Variants in POGZ observed in about 807,000 individuals in gnomAD.
POGZ encodes the protein pogo transposable element with ZNF domain.
A neutral mutation model predicts 134.6 loss-of-function variants in POGZ; 17 were observed. The observed-to-expected ratio is 0.13, with a 90% CI of 0.09 to 0.19. POGZ has a LOEUF of 0.19. POGZ is among the 10% of genes least tolerant of loss of function. The pLI is 1.00. For missense variants in POGZ, 1,306 were observed against 1,769.7 expected (o/e 0.74, Z 4.70); for synonymous variants, 693 against 657.1 (o/e 1.05, Z -0.84).
chr1:151,420,295 G>A (rs546113456), intron 10 of POGZ, among the ~76,000 whole-genome samples: 74 of 152,260 alleles, frequency 4.9e-4, no homozygotes, highest in African/African-American at 1.7e-3. Flanking sequence ...TGGCTACCCT[G>A]GCACTACACT....
rs1663234414 is a variant in POGZ, at chr1:151,459,361, TCCCGAGGGGGGCGGGGGGGC to T, written c.-231_-212del. 1 of 120,758 alleles carries T rather than the reference TCCCGAGGGGGGCGGGGGGGC, an allele frequency of 8.3e-6. No homozygotes were observed. Among genetic ancestry groups the T allele is most frequent in the Admixed American group, 1.0e-4 (1 of 9,976 alleles). 7.5% of individuals were successfully genotyped at this position (120,758 alleles called of 1,614,324 possible). A position where few individuals can be genotyped will look rare whatever the true frequency, so the allele number is the denominator to read the frequency against. ...TCGAGTGATTCGGGGTGGATTTTTT[TCCCGAGGGGGGCGGGGGGGC>T]CCCGAGGGAGGGGGGTGGGGGGGCC... On this transcript the variant is annotated 5_prime_UTR_variant, in exon 1 of 19. Transcript: ENST00000271715.
At chr1:151,421,554 T>C (rs1656919635) in intron 10 of POGZ, among the ~76,000 whole-genome samples, 1 of 152,176 alleles carries the variant, frequency 6.6e-6, no homozygotes, top group Admixed American at 6.5e-5. Flanking sequence ...AGAAAACAGA[T>C]TCAAGAAAGA....
chr1:151,405,707 G>A lies in POGZ; in HGVS notation c.3328C>T (p.Arg1110Trp), dbSNP rs1653467400. The change falls in exon 19 of 19, where the codon CGG (arginine) becomes TGG (tryptophan). Residue 1110 changes from arginine (R) to tryptophan (W), a missense_variant. Around this residue, in one of 10 missense-constraint regions of POGZ, gnomAD observed 161 missense variants for 185.4 expected, o/e 0.87. Coordinates refer to ENST00000271715, the MANE Select transcript of POGZ (RefSeq NM_015100.4). The surrounding 1 kb of genome is among the most constrained non-coding windows in gnomAD (Gnocchi z 4.9). ...NAGLFIDFVQRQIHNQDLPLS... is the reference protein window; with the variant it reads ...NAGLFIDFVQWQIHNQDLPLS... ...GGTAAGTCCTGGTTGTGAATCTGCC[G>A]TTGTACAAAATCAATGAAGAGTCCT... The A allele has an allele frequency of 4.3e-6, 7 of 1,614,164 alleles. No individual in the cohort carries two copies. Among genetic ancestry groups the A allele is most frequent in the African/African-American group, 1.3e-5 (1 of 75,054 alleles).
chr1:151,410,746 T>C (rs900027226), intron 12 of POGZ, among the ~76,000 whole-genome samples: 3 of 152,198 alleles, frequency 2.0e-5, no homozygotes, highest in Non-Finnish European at 4.4e-5. Context: ...TAACTTACAA[T>C]ATCCAAGCTC....
At chr1:151,419,167 G>C (rs1190625157) in intron 10 of POGZ, among the ~76,000 whole-genome samples, 2 of 151,538 alleles carry the variant, frequency 1.3e-5, no homozygotes, top group South Asian at 4.2e-4. Context: ...CAGCCTGAAC[G>C]ACACGGCGAA....
At chr1:151,441,638 G>A (rs922088270) in intron 2 of POGZ, among the ~76,000 whole-genome samples, 1 of 152,140 alleles carries the variant, frequency 6.6e-6, no homozygotes, top group Admixed American at 6.5e-5. Flanking sequence ...TTTGTAAACT[G>A]TCCATGAAGG....
Position 151,424,046 on chromosome 1 carries a change from G to A in POGZ, c.1426C>T (p.Arg476Trp), listed in dbSNP as rs267598016. The A allele has an allele frequency of 1.7e-5, 27 of 1,613,988 alleles. No homozygotes were observed. The East Asian group carries it at 2.9e-4, about 17-fold the overall frequency. The stretch of plus-strand genomic sequence containing the variant: ...AGCTGGGCTACTTTGCCACCATCCC[G>A]TCCATAGTAGAAGTCATCTACAAGC... ...IMLVDDFYYG[R>W]DGGKVAQLTN... Residue 476 changes from arginine (R) to tryptophan (W), a missense_variant, in exon 9 of 19, where the codon CGG becomes TGG. Arg to Trp is a moderately radical substitution (Grantham distance 101). This residue lies in a region of POGZ where 541 missense variants were observed against 680.5 expected (regional missense o/e 0.80). Coordinates refer to ENST00000271715, the MANE Select transcript of POGZ (RefSeq NM_015100.4).
Position 151,408,012 on chromosome 1 carries a change from C to CA in POGZ, c.2375+87dup, listed in dbSNP as rs776996426. 7.4e-4 allele frequency: 670 copies of CA among 910,140 alleles called. 7 individuals carry two copies. In the African/African-American group the frequency reaches 0.013, roughly 18 times the overall value. The allele number at this position is 910,140 out of a possible 1,614,324, so 56.4% of individuals were successfully genotyped here. A position where few individuals can be genotyped will look rare whatever the true frequency, so the allele number is the denominator to read the frequency against. On this transcript the variant is annotated intron_variant, in intron 15 of 18. Transcript: ENST00000271715. ...AGGGGACAGAGTGAGACCCTGTCTT[C>CA]AAAAAAAAAAAAAAAAAAAGAAGAA...
At chr1:151,430,169 A>C (rs1486999243) in intron 4 of POGZ, among the ~76,000 whole-genome samples, 1 of 152,248 alleles carries the variant, frequency 6.6e-6, no homozygotes, top group Non-Finnish European at 1.5e-5. Context: ...TCAGGAAGCC[A>C]CAGGCAAAGA....
At chr1:151,414,312 G>T (rs1655242719) in intron 10 of POGZ, among the ~76,000 whole-genome samples, 1 of 152,102 alleles carries the variant, frequency 6.6e-6, no homozygotes, top group Non-Finnish European at 1.5e-5. Context: ...TTCTCTTCTA[G>T]AACACCTTTA....
At chr1:151,441,228 A>C in intron 2 of POGZ, 142 bp from the exon 3 acceptor site, 1 of 588,510 alleles carries the variant, frequency 1.7e-6, no homozygotes. Flanking sequence ...TGTTCATGTG[A>C]TTTCTCCTCC....
At chr1:151,413,600 G>A (rs1374425356) in intron 10 of POGZ, among the ~76,000 whole-genome samples, 47 of 85,476 alleles carry the variant, frequency 5.5e-4, no homozygotes, top group Admixed American at 1.3e-3. Flanking sequence ...ACCTCCCCCC[G>A]CCCCCAGCCC....
chr1:151,411,553 G>C, intron 12 of POGZ, 72 bp downstream of exon 12: 1 of 1,102,884 alleles, frequency 9.1e-7, no homozygotes, highest in Non-Finnish European at 1.3e-6. Flanking sequence ...GCCTAGCTCA[G>C]CCCTGGCCCC....
At chr1:151,452,452 G>C (rs76491278) in intron 1 of POGZ, among the ~76,000 whole-genome samples, 1 of 151,848 alleles carries the variant, frequency 6.6e-6, no homozygotes, top group Non-Finnish European at 1.5e-5. Flanking sequence ...CTGGGCTCAG[G>C]TGATCCTCCT....
chr1:151,456,905 T>C (rs1189521089), intron 1 of POGZ, among the ~76,000 whole-genome samples: 3 of 152,106 alleles, frequency 2.0e-5, no homozygotes, highest in Non-Finnish European at 2.9e-5. Context: ...AATAATAAAT[T>C]TTACTGCTTC....
intron 1 of POGZ, among the ~76,000 whole-genome samples, chr1:151,453,553 C>T (rs1041521473): frequency 6.6e-6 from 1 of 152,172 alleles, no homozygotes; most frequent in African/African-American, 2.4e-5. Context: ...CAAGGAGGTA[C>T]ATTACTTTCT....
chr1:151,446,066 T>TA (rs1661214114), intron 1 of POGZ, among the ~76,000 whole-genome samples: 1 of 146,766 alleles, frequency 6.8e-6, no homozygotes, highest in Non-Finnish European at 1.5e-5. Context: ...TTTTTTTTTT[T>TA]AGCCCCGATC....
At chr1:151,419,116 G>T (rs1656366242) in intron 10 of POGZ, among the ~76,000 whole-genome samples, 1 of 151,804 alleles carries the variant, frequency 6.6e-6, no homozygotes, top group Non-Finnish European at 1.5e-5. Flanking sequence ...CACTTTGGGA[G>T]GCCGATGCAG....
chr1:151,455,907 T>C (rs1172774034), intron 1 of POGZ, among the ~76,000 whole-genome samples: 1 of 150,518 alleles, frequency 6.6e-6, no homozygotes, highest in Non-Finnish European at 1.5e-5. Context: ...TTTTTTTTTT[T>C]TTTTTTTTTT....
Sources: allele counts gnomAD v4.1 joint callset (sites outside exome capture counted in the v4.1 genomes callset), GRCh38; gene constraint gnomAD v4.1.1; regional missense constraint gnomAD v4.1.1; non-coding constraint Gnocchi (gnomAD v3.1); transcripts MANE v1.5; gene names NCBI Gene and HGNC (gene_info 2026-07-23, HGNC 2026-07-21).